EMCN: variants seen among roughly 807,000 people sequenced by gnomAD.
EMCN encodes the protein endomucin.
A neutral mutation model predicts 38.4 loss-of-function variants in EMCN; 37 were observed. That is an observed-to-expected ratio of 0.96 (90% CI 0.74 to 1.27). EMCN has a LOEUF of 1.27. EMCN is among the 50% of genes most tolerant of loss of function. The probability of loss-of-function intolerance (pLI) is 0.00; values close to 1 mark genes in which losing one functional copy is unlikely to be tolerated. For missense variants in EMCN, 318 were observed against 302.8 expected (o/e 1.05, Z -0.37); for synonymous variants, 95 against 100.8 (o/e 0.94, Z 0.35).
intron 5 of EMCN, among the ~76,000 whole-genome samples, chr4:100,441,102 T>C (rs1380114973): frequency 6.6e-6 from 1 of 151,550 alleles, no homozygotes; most frequent in African/African-American, 2.4e-5. Context: ...AAAAAAAAAG[T>C]GGGGTATTAA....
intron 1 of EMCN, among the ~76,000 whole-genome samples, chr4:100,491,884 T>C (rs61121312): frequency 2.0e-5 from 3 of 152,106 alleles, no homozygotes; most frequent in African/African-American, 7.2e-5. Context: ...AATCACAGGC[T>C]AGACTAAATA....
rs1726133414 is a variant in EMCN at position 100,396,805 on chromosome 4, T to C, written c.*1608A>G. 6.6e-6 allele frequency: 1 copy of C among 151,886 alleles called. No individual in the cohort carries two copies. 9.4% of individuals were successfully genotyped at this position (151,886 alleles called of 1,614,324 possible). A position where few individuals can be genotyped will look rare whatever the true frequency, so the allele number is the denominator to read the frequency against. On this transcript the variant is annotated 3_prime_UTR_variant, in exon 12 of 12. Transcript: ENST00000296420. ...TTTTCTGAAGACAAATGCTCTCTGATTGGCATGCTCCAGTCACTGTCTCAC... is the reference window on the plus strand; with the variant it reads ...TTTTCTGAAGACAAATGCTCTCTGACTGGCATGCTCCAGTCACTGTCTCAC...
intron 1 of EMCN, among the ~76,000 whole-genome samples, chr4:100,481,677 T>A (rs1413973280): frequency 6.6e-6 from 1 of 152,098 alleles, no homozygotes; most frequent in Non-Finnish European, 1.5e-5. Flanking sequence ...ACTTCTATGA[T>A]GTAACACTAA....
intron 5 of EMCN, among the ~76,000 whole-genome samples, chr4:100,426,637 C>T (rs985839530): frequency 3.9e-5 from 6 of 152,140 alleles, no homozygotes; most frequent in African/African-American, 1.4e-4. Context: ...TTTAAAAGGC[C>T]ACTTCTTATT....
At chr4:100,429,252 T>G (rs1260284313) in intron 5 of EMCN, among the ~76,000 whole-genome samples, 4 of 152,112 alleles carry the variant, frequency 2.6e-5, no homozygotes, top group Admixed American at 6.6e-5. Context: ...AATAATCTAT[T>G]ATATAAGTGA....
chr4:100,496,764 G>A (rs991341662), intron 1 of EMCN, among the ~76,000 whole-genome samples: 2 of 152,046 alleles, frequency 1.3e-5, no homozygotes, highest in African/African-American at 4.8e-5. Flanking sequence ...AAAACCAGAC[G>A]CAGATTAGAG....
In EMCN at chr4:100,450,561, A is replaced by G. The variant is rs191987183; in HGVS notation, c.377-2990T>C. ...ATAATTATCTACTGATTTGCTGTTG[A>G]ATAATTTATTATGACCAATTCAAAT... On this transcript the variant is annotated intron_variant, in intron 4 of 11. Transcript: ENST00000296420. 3.7e-3 allele frequency among the ~76,000 whole-genome samples: 565 copies of G among 152,068 alleles called. 3 individuals carry two copies. Among genetic ancestry groups the G allele is most frequent in the Non-Finnish European group, 6.4e-3 (431 of 67,836 alleles).
Position 100,421,297 on chromosome 4 carries a change from A to G in EMCN, c.649T>C (p.Trp217Arg), listed in dbSNP as rs764950919. Residue 217 changes from tryptophan to arginine, a missense_variant, in exon 8 of 12, where the codon TGG becomes CGG. Coordinates refer to ENST00000296420, the MANE Select transcript of EMCN (RefSeq NM_016242.4). ...FVLVGLYRMC[W>R]KADPGTPENG... ...TGTTACCTACCCGGATCTGCCTTCC[A>G]GCACATTCGGTACAAACCCACCAGA... The G allele has an allele frequency of 3.1e-6, 5 of 1,612,684 alleles. 1 individual carries two copies. In the South Asian group the frequency reaches 5.5e-5, roughly 18 times the overall value.
intron 4 of EMCN, among the ~76,000 whole-genome samples, chr4:100,448,946 C>G (rs2110244771): frequency 6.6e-6 from 1 of 151,958 alleles, no homozygotes; most frequent in Non-Finnish European, 1.5e-5. Flanking sequence ...TTCCACAGAC[C>G]TTTTCACATC....
chr4:100,432,640 A>T (rs1054832675), intron 5 of EMCN, among the ~76,000 whole-genome samples: 1 of 152,062 alleles, frequency 6.6e-6, no homozygotes, highest in Non-Finnish European at 1.5e-5. Context: ...TTGCAGTTTG[A>T]TTTTCCCCAA....
intron 10 of EMCN, among the ~76,000 whole-genome samples, chr4:100,412,074 A>G (rs1303341765): frequency 6.6e-6 from 1 of 152,190 alleles, no homozygotes; most frequent in Admixed American, 6.5e-5. Context: ...CATATTAATT[A>G]TATGTAATTA....
intron 9 of EMCN, 110 bp from the exon 10 acceptor site, chr4:100,416,069 A>C (rs1043987005): frequency 1.7e-6 from 1 of 595,142 alleles, no homozygotes; most frequent in Admixed American, 3.5e-5. Flanking sequence ...ATATATATAT[A>C]TAATGTGTGT....
intron 1 of EMCN, among the ~76,000 whole-genome samples, chr4:100,511,462 A>G (rs1393203622): frequency 6.6e-6 from 1 of 152,196 alleles, no homozygotes; most frequent in Non-Finnish European, 1.5e-5. Flanking sequence ...GATTCAATGG[A>G]TTTAAAAAAA....
intron 5 of EMCN, among the ~76,000 whole-genome samples, chr4:100,431,406 T>C (rs1578189786): frequency 6.6e-6 from 1 of 152,144 alleles, no homozygotes; most frequent in Admixed American, 6.6e-5. Context: ...TGAATCAGTA[T>C]ACTGAGCAAA....
At chr4:100,468,265 A>C (rs1728378455) in intron 3 of EMCN, among the ~76,000 whole-genome samples, 1 of 152,202 alleles carries the variant, frequency 6.6e-6, no homozygotes, top group African/African-American at 2.4e-5. Context: ...GAAATGTGGG[A>C]GAGGGTCTGT....
intron 1 of EMCN, among the ~76,000 whole-genome samples, chr4:100,495,624 T>G (rs1560640370): frequency 6.6e-6 from 1 of 152,100 alleles, no homozygotes; most frequent in Non-Finnish European, 1.5e-5. Context: ...AACCAATCGA[T>G]GTAATCTCAT....
intron 1 of EMCN, among the ~76,000 whole-genome samples, chr4:100,515,176 C>G (rs180915582): frequency 3.3e-5 from 5 of 152,224 alleles, no homozygotes; most frequent in Non-Finnish European, 7.4e-5. Flanking sequence ...TTTCAAAAAG[C>G]AAGTGGCACT....
At chr4:100,407,155 T>C (rs1268942267) in intron 11 of EMCN, among the ~76,000 whole-genome samples, 2 of 152,164 alleles carry the variant, frequency 1.3e-5, no homozygotes, top group African/African-American at 4.8e-5. Context: ...AGCATACACT[T>C]GGGTCTTTCT....
chr4:100,468,391 A>T (rs1399110253), intron 3 of EMCN, among the ~76,000 whole-genome samples: 1 of 152,230 alleles, frequency 6.6e-6, no homozygotes, highest in African/African-American at 2.4e-5. Context: ...TCTAATGTGT[A>T]GTTACCAATT....
Sources: gnomAD v4.1 joint callset for allele counts (sites outside exome capture counted in the v4.1 genomes callset) on GRCh38, gnomAD v4.1.1 for gene constraint, MANE v1.5 for transcripts, NCBI Gene and HGNC (gene_info 2026-07-23, HGNC 2026-07-21) for gene names.